The following MAP2K1 variants were observed in gnomAD, a reference collection of about 807,000 sequenced individuals.
MAP2K1 encodes the protein mitogen-activated protein kinase kinase 1, also known as dual specificity mitogen-activated protein kinase kinase 1.
MAP2K1 carries 16 observed loss-of-function variants against 46.3 expected under a neutral mutation model. The observed-to-expected ratio is 0.35, with a 90% confidence interval of 0.23 to 0.52. The LOEUF (loss-of-function observed/expected upper bound fraction) is 0.52, where lower values mean the gene tolerates loss of function less well. Among genes scored for constraint, MAP2K1 ranks in the 20% least tolerant of loss-of-function variants. The pLI is 0.94. For missense variants in MAP2K1, 263 were observed against 497.1 expected (o/e 0.53, Z 4.48); for synonymous variants, 183 against 185.6 (o/e 0.99, Z 0.11).
At position 66,490,516 on chromosome 15, in the gene MAP2K1, C is replaced by G. The variant is rs941943240; in HGVS notation, c.1083C>G (p.Ile361Met). 6.2e-7 allele frequency: 1 copy of G among 1,613,478 alleles called. No individual in the cohort carries two copies. Among genetic ancestry groups the G allele is most frequent in the South Asian group, 1.1e-5 (1 of 91,062 alleles). Residue 361 changes from isoleucine to methionine, a missense_variant, in exon 11 of 11, where the codon ATC (isoleucine) becomes ATG (methionine). Ile to Met is a conservative substitution (Grantham distance 10). Transcript: ENST00000307102. Reference sequence around the variant, plus strand: ...CTTACATGCAGGTTCATGCTTTTATCAAGAGATCTGATGCTGAGGAAGTGG... The same window carrying G: ...CTTACATGCAGGTTCATGCTTTTATGAAGAGATCTGATGCTGAGGAAGTGG... ...DLKQLMVHAFIKRSDAEEVDF... is the reference protein window; with the variant it reads ...DLKQLMVHAFMKRSDAEEVDF...
At position 66,427,355 on chromosome 15, in the gene MAP2K1, C is replaced by T. The variant is rs183134006; in HGVS notation, c.81-7672C>T. On this transcript the variant is annotated intron_variant, in intron 1 of 10. Coordinates refer to ENST00000307102, the MANE Select transcript of MAP2K1 (RefSeq NM_002755.4). ...CGGGCAGATCACGAGGTCAGGAGAT[C>T]GAGACCATCCTGGCCAACACAGTGA... 2.2e-3 allele frequency among the ~76,000 whole-genome samples: 332 copies of T among 151,764 alleles called. 2 individuals are homozygous for T. The highest frequency in any genetic ancestry group is 7.9e-3 in the African/African-American group (326 of 41,396).
At position 66,435,050 on chromosome 15, in the gene MAP2K1, A is replaced by G; in HGVS notation, c.104A>G (p.Lys35Arg). 2.5e-6 allele frequency: 4 copies of G among 1,614,102 alleles called. No homozygotes were observed. Among genetic ancestry groups the G allele is most frequent in the African/African-American group, 1.3e-5 (1 of 75,062 alleles). The change falls in exon 2 of 11, where the codon AAG becomes AGG. Residue 35 changes from lysine to arginine, a missense_variant. Around this residue, in one of 4 missense-constraint regions of MAP2K1, gnomAD observed 103 missense variants for 221.6 expected, o/e 0.46. Coordinates refer to ENST00000307102, the MANE Select transcript of MAP2K1 (RefSeq NM_002755.4). ...AGGACCAACTTGGAGGCCTTGCAGA[A>G]GAAGCTGGAGGAGCTAGAGCTTGAT... ...SAETNLEALQ[K>R]KLEELELDEQ...
chr15:66,417,057 T>C (rs2093426257), intron 1 of MAP2K1, among the ~76,000 whole-genome samples: 1 of 152,188 alleles, frequency 6.6e-6, no homozygotes, highest in Non-Finnish European at 1.5e-5. Context: ...TCTGGTTCTC[T>C]AGTAGGACCA....
At chr15:66,403,154 C>G (rs570129085) in intron 1 of MAP2K1, among the ~76,000 whole-genome samples, 3 of 152,216 alleles carry the variant, frequency 2.0e-5, no homozygotes, top group African/African-American at 4.8e-5. Flanking sequence ...AGCTTTTACT[C>G]TTATTTTTTT....
At chr15:66,478,391 T>TG (rs1892816999) in intron 5 of MAP2K1, among the ~76,000 whole-genome samples, 1 of 132,572 alleles carries the variant, frequency 7.5e-6, no homozygotes, top group African/African-American at 3.0e-5. Context: ...TATACACAGA[T>TG]ATGTGTGTGT....
rs183871562 is a variant in MAP2K1 at position 66,453,808 on chromosome 15, T to G, written c.568+9101T>G. On this transcript the variant is annotated intron_variant, in intron 5 of 10. Transcript: ENST00000307102. ...AGATAGCTTAGTGGTTTTTTTCTCT[T>G]TCTTTTTGAGACAGGGTCTTGCTCT... is the stretch of plus-strand genomic sequence containing the variant. 3.9e-5 allele frequency among the ~76,000 whole-genome samples: 6 copies of G among 152,310 alleles called. No individual in the cohort carries two copies. The South Asian group carries it at 1.2e-3, about 32-fold the overall frequency.
At chr15:66,423,077 A>G (rs2093447583) in intron 1 of MAP2K1, among the ~76,000 whole-genome samples, 1 of 152,036 alleles carries the variant, frequency 6.6e-6, no homozygotes, top group Non-Finnish European at 1.5e-5. Context: ...TTGGTATTAC[A>G]AGCATGAGCC....
At chr15:66,459,933 G>C (rs536858077) in intron 5 of MAP2K1, among the ~76,000 whole-genome samples, 7 of 152,346 alleles carry the variant, frequency 4.6e-5, no homozygotes, top group African/African-American at 1.4e-4. Flanking sequence ...GCAGAAGTCA[G>C]AGTGGCCCCT....
intron 1 of MAP2K1, among the ~76,000 whole-genome samples, chr15:66,398,759 G>A (rs922549529): frequency 1.4e-5 from 2 of 146,686 alleles, no homozygotes; most frequent in African/African-American, 2.5e-5. Flanking sequence ...TGTGAGTAGA[G>A]TATTGCTAAT....
chr15:66,417,320 C>T (rs112044126), intron 1 of MAP2K1, among the ~76,000 whole-genome samples: 2,448 of 152,148 alleles, frequency 0.016, 42 homozygotes, highest in South Asian at 0.067. Flanking sequence ...CTGTAATCCC[C>T]GCACTTTGGG....
rs567421488 is a variant in MAP2K1, at chr15:66,475,160, A to G, written c.569-6595A>G. Among the ~76,000 whole-genome samples the G allele has an allele frequency of 5.9e-5, 9 of 152,222 alleles. No individual in the cohort carries two copies. In the South Asian group the frequency reaches 1.9e-3, roughly 32 times the overall value. ...GAATTTTAATTATCTCTGCTACTTA[A>G]TTAGCTCCTTGAGGCCATGGATAGC... On this transcript the variant is annotated intron_variant, in intron 5 of 10. Coordinates refer to ENST00000307102, the MANE Select transcript of MAP2K1 (RefSeq NM_002755.4).
chr15:66,390,411 GAA>G (rs1488922102), intron 1 of MAP2K1, among the ~76,000 whole-genome samples: 1 of 152,174 alleles, frequency 6.6e-6, no homozygotes, highest in Non-Finnish European at 1.5e-5. Context: ...CAGACAATGT[GAA>G]CTAAAGAGGA....
At chr15:66,446,440 CAA>C (rs56036349) in intron 5 of MAP2K1, 144 of 124,092 alleles carry the variant, frequency 1.2e-3, no homozygotes, top group Middle Eastern at 8.0e-3. Flanking sequence ...GACTCCGTCT[CAA>C]AAAAAAAAAA....
At chr15:66,414,915 C>T (rs1320358646) in intron 1 of MAP2K1, 2 of 378,590 alleles carry the variant, frequency 5.3e-6, no homozygotes, top group East Asian at 8.3e-5. Flanking sequence ...GCGGGGAGTG[C>T]AGAGCATGCC....
At chr15:66,420,645 C>T (rs1315798461) in intron 1 of MAP2K1, among the ~76,000 whole-genome samples, 1 of 143,402 alleles carries the variant, frequency 7.0e-6, no homozygotes, top group Non-Finnish European at 1.5e-5. Flanking sequence ...ATAAATTTAC[C>T]TGTCCTTTCA....
chr15:66,435,429 G>A (rs1310470617), intron 2 of MAP2K1, among the ~76,000 whole-genome samples, 192 bp downstream of exon 2: 2 of 149,654 alleles, frequency 1.3e-5, no homozygotes, highest in African/African-American at 2.5e-5. Flanking sequence ...GGGTTCAAAC[G>A]ATTCTCCTGC....
intron 5 of MAP2K1, among the ~76,000 whole-genome samples, chr15:66,452,446 C>A (rs1892056858): frequency 6.6e-6 from 1 of 152,074 alleles, no homozygotes; most frequent in South Asian, 2.1e-4. Flanking sequence ...CAGTTTAGTC[C>A]TTAATCTGTG....
At chr15:66,428,503 T>C (rs2093465924) in intron 1 of MAP2K1, among the ~76,000 whole-genome samples, 1 of 152,090 alleles carries the variant, frequency 6.6e-6, no homozygotes, top group African/African-American at 2.4e-5. Context: ...GGTCAGTCTT[T>C]GTTCTCTTAA....
intron 5 of MAP2K1, among the ~76,000 whole-genome samples, chr15:66,478,182 C>G (rs922818734): frequency 6.6e-6 from 1 of 151,114 alleles, no homozygotes; most frequent in Non-Finnish European, 1.5e-5. Context: ...AGGGCCGTTC[C>G]TTGCCACCCT....
Sources: allele counts gnomAD v4.1 joint callset (sites outside exome capture counted in the v4.1 genomes callset), GRCh38; gene constraint gnomAD v4.1.1; regional missense constraint gnomAD v4.1.1; transcripts MANE v1.5; gene names NCBI Gene and HGNC (gene_info 2026-07-23, HGNC 2026-07-21).